The following BCAS3 variants were observed in gnomAD, a reference collection of about 807,000 sequenced individuals.
The protein encoded by BCAS3 is BCAS4/BCAS3 fusion.
In BCAS3, 53 loss-of-function variants were observed where a neutral mutation model predicts 116.1. The observed-to-expected ratio is 0.46, with a 90% confidence interval of 0.37 to 0.57. The LOEUF is 0.57. BCAS3 is among the 20% of genes least tolerant of loss of function. The pLI, the probability that BCAS3 is intolerant of heterozygous loss-of-function variation, is 0.00. For synonymous variants in BCAS3, 391 were observed against 408.2 expected (o/e 0.96, Z 0.51); for missense variants, 917 against 1,165.4 (o/e 0.79, Z 3.10).
At chr17:61,022,372 C>G (rs2065935742) in intron 16 of BCAS3, among the ~76,000 whole-genome samples, 1 of 152,230 alleles carries the variant, frequency 6.6e-6, no homozygotes, top group Non-Finnish European at 1.5e-5. Context: ...CCCTCAGCCT[C>G]CCGAGTAGCT....
chr17:60,999,812 T>G (rs1308925723), intron 15 of BCAS3, among the ~76,000 whole-genome samples: 2 of 152,166 alleles, frequency 1.3e-5, no homozygotes, highest in African/African-American at 4.8e-5. Context: ...TTTGCTGGTG[T>G]CATGTGTGAT....
Position 61,157,196 on chromosome 17 carries a change from T to C in BCAS3, c.2425+72632T>C, listed in dbSNP as rs2077896570. ...ATGTACAATGTGAAGATCTAATTTATCAAAACAGAATTCAATAATTTTATT... is the reference window on the plus strand; with the variant it reads ...ATGTACAATGTGAAGATCTAATTTACCAAAACAGAATTCAATAATTTTATT... On this transcript the variant is annotated intron_variant, in intron 22 of 23. Coordinates refer to ENST00000407086, the MANE Select transcript of BCAS3 (RefSeq NM_017679.5). 3.9e-5 allele frequency among the ~76,000 whole-genome samples: 6 copies of C among 152,324 alleles called. No homozygotes were observed. The South Asian group carries it at 1.2e-3, about 32-fold the overall frequency.
At chr17:61,067,273 G>GTGTATATATATATA (rs1251223420) in intron 19 of BCAS3, among the ~76,000 whole-genome samples, 9 of 58,800 alleles carry the variant, frequency 1.5e-4, no homozygotes, top group East Asian at 1.0e-3. Context: ...GTGTGTATGT[G>GTGTATATATATATA]TATATATATA....
intron 7 of BCAS3, among the ~76,000 whole-genome samples, chr17:60,835,997 A>C (rs1020900478): frequency 1.3e-5 from 2 of 152,142 alleles, no homozygotes; most frequent in Non-Finnish European, 2.9e-5. Context: ...TTCTCTAAAA[A>C]AATTTTATCC....
At chr17:60,764,406 C>T (rs2043872226) in intron 6 of BCAS3, among the ~76,000 whole-genome samples, 3 of 152,296 alleles carry the variant, frequency 2.0e-5, no homozygotes, top group South Asian at 4.1e-4. Flanking sequence ...TCTTTGTTCT[C>T]ACTAGTTTCA....
At chr17:60,785,189 C>G (rs968668914) in intron 6 of BCAS3, among the ~76,000 whole-genome samples, 1 of 152,086 alleles carries the variant, frequency 6.6e-6, no homozygotes, top group Non-Finnish European at 1.5e-5. Context: ...GAGACAGAGT[C>G]TCATTGTCAC....
intron 15 of BCAS3, among the ~76,000 whole-genome samples, chr17:61,010,143 A>G (rs2065012356): frequency 6.6e-6 from 1 of 151,014 alleles, no homozygotes; most frequent in African/African-American, 2.4e-5. Flanking sequence ...CCTCTCTGCA[A>G]AGCTGACCTG....
intron 22 of BCAS3, among the ~76,000 whole-genome samples, chr17:61,320,036 C>T (rs879711588): frequency 1.6e-4 from 25 of 151,592 alleles, no homozygotes; most frequent in Middle Eastern, 6.8e-3. Flanking sequence ...ATTACAGGCT[C>T]GTGCCGCCAC....
At chr17:61,191,602 C>T (rs1198226597) in intron 22 of BCAS3, among the ~76,000 whole-genome samples, 4 of 151,382 alleles carry the variant, frequency 2.6e-5, no homozygotes, top group East Asian at 2.0e-4. Flanking sequence ...GGTGAAACCC[C>T]GTCTGTACTA....
chr17:61,295,816 G>C lies in BCAS3; in HGVS notation c.2426-72511G>C, dbSNP rs368583414. Among the ~76,000 whole-genome samples, 224 of 151,898 alleles carry C rather than the reference G, an allele frequency of 1.5e-3. 1 individual carries two copies. Among genetic ancestry groups the C allele is most frequent in the South Asian group, 9.1e-3 (44 of 4,814 alleles). The stretch of plus-strand genomic sequence containing the variant: ...AAAAAAAAAAAAAAATTAGCTGGGC[G>C]TGGTGATGCACATCTGTAATCCCAG... On this transcript the variant is annotated intron_variant, in intron 22 of 23. Transcript: ENST00000407086.
At position 61,104,005 on chromosome 17, in the gene BCAS3, C is replaced by T. The variant is rs916155528; in HGVS notation, c.2425+19441C>T. Among the ~76,000 whole-genome samples the T allele has an allele frequency of 2.0e-5, 3 of 152,154 alleles. No individual in the cohort carries two copies. Among genetic ancestry groups the T allele is most frequent in the African/African-American group, 4.8e-5 (2 of 41,426 alleles). Reference sequence around the variant, plus strand: ...AAGTATGACATTAGTGGTTTTAGCTCTTGTTGACCCATCTTTAAACCAAAG... The same window carrying T: ...AAGTATGACATTAGTGGTTTTAGCTTTTGTTGACCCATCTTTAAACCAAAG... On this transcript the variant is annotated intron_variant, in intron 22 of 23. Transcript: ENST00000407086. The surrounding 1 kb of genome is among the most constrained non-coding windows in gnomAD (Gnocchi z 4.1).
intron 22 of BCAS3, among the ~76,000 whole-genome samples, chr17:61,185,496 AAAGTTAG>A (rs1437292481): frequency 1.3e-5 from 2 of 152,152 alleles, no homozygotes; most frequent in Non-Finnish European, 2.9e-5. Flanking sequence ...TCTCAAAACA[AAAGTTAG>A]AGATCGGAAG....
chr17:61,048,036 A>G (rs1190453550), intron 19 of BCAS3, among the ~76,000 whole-genome samples: 1 of 152,062 alleles, frequency 6.6e-6, no homozygotes, highest in Non-Finnish European at 1.5e-5. Flanking sequence ...ATACAATAGA[A>G]AGGTGACTGG....
chr17:61,300,015 A>G lies in BCAS3; in HGVS notation c.2426-68312A>G, dbSNP rs1434267953. Among the ~76,000 whole-genome samples, 2 of 152,230 alleles carry G rather than the reference A, an allele frequency of 1.3e-5. No individual in the cohort carries two copies. The highest frequency in any genetic ancestry group is 4.8e-5 in the African/African-American group (2 of 41,462). On this transcript the variant is annotated intron_variant, in intron 22 of 23. Transcript: ENST00000407086. This position sits in a 1 kb window ranked among gnomAD's most constrained non-coding sequence, Gnocchi z 5.1. ...TTACAGATATTTTCATTCATCTGGTATCCAGATGATCTCCCTTGATTCTGA... is the reference window on the plus strand; with the variant it reads ...TTACAGATATTTTCATTCATCTGGTGTCCAGATGATCTCCCTTGATTCTGA...
Position 61,122,187 on chromosome 17 carries a change from T to C in BCAS3, c.2425+37623T>C, listed in dbSNP as rs2075824900. On this transcript the variant is annotated intron_variant, in intron 22 of 23. Transcript: ENST00000407086. The surrounding 1 kb of genome is among the most constrained non-coding windows in gnomAD (Gnocchi z 4.6). ...TTAATCACAACTAAAATCATACACA[T>C]GCATCTTCCAGTGACGCATTTGAAA... 6.6e-6 allele frequency among the ~76,000 whole-genome samples: 1 copy of C among 152,210 alleles called. No homozygotes were observed. The highest frequency in any genetic ancestry group is 2.4e-5 in the African/African-American group (1 of 41,450).
At chr17:61,207,762 T>C (rs2081228280) in intron 22 of BCAS3, among the ~76,000 whole-genome samples, 1 of 152,198 alleles carries the variant, frequency 6.6e-6, no homozygotes, top group Non-Finnish European at 1.5e-5. Flanking sequence ...CCCTCTTACA[T>C]GGCTCAAAGA....
In BCAS3 at chr17:61,265,322, C is replaced by T. The variant is rs933984590; in HGVS notation, c.2426-103005C>T. On this transcript the variant is annotated intron_variant, in intron 22 of 23. Coordinates refer to ENST00000407086, the MANE Select transcript of BCAS3 (RefSeq NM_017679.5). The surrounding 1 kb of genome is among the most constrained non-coding windows in gnomAD (Gnocchi z 4.3). ...GGGAGGTTGAGGCAGGAGAATCGTTCGAACCCGAGAGGCAGAGGTTGCAGT... is the reference window on the plus strand; with the variant it reads ...GGGAGGTTGAGGCAGGAGAATCGTTTGAACCCGAGAGGCAGAGGTTGCAGT... 4.0e-5 allele frequency among the ~76,000 whole-genome samples: 6 copies of T among 151,670 alleles called. No homozygotes were observed. The highest frequency in any genetic ancestry group is 1.9e-4 in the East Asian group (1 of 5,178).
At chr17:60,693,057 G>A (rs547434536) in intron 4 of BCAS3, among the ~76,000 whole-genome samples, 8 of 151,736 alleles carry the variant, frequency 5.3e-5, no homozygotes, top group Non-Finnish European at 8.8e-5. Context: ...TGTATTTTTA[G>A]GAGAAACAGG....
chr17:61,303,999 C>T (rs1778798410), intron 22 of BCAS3, among the ~76,000 whole-genome samples: 1 of 152,206 alleles, frequency 6.6e-6, no homozygotes, highest in Non-Finnish European at 1.5e-5. Context: ...GAATCCCAGT[C>T]TGTAACACCA....
Sources: gnomAD v4.1 joint callset for allele counts (sites outside exome capture counted in the v4.1 genomes callset) on GRCh38, gnomAD v4.1.1 for gene constraint, Gnocchi (gnomAD v3.1) non-coding constraint, MANE v1.5 for transcripts, NCBI Gene and HGNC (gene_info 2026-07-23, HGNC 2026-07-21) for gene names.